The following DNAH8 variants were observed in gnomAD, a reference collection of about 807,000 sequenced individuals.
DNAH8 encodes dynein axonemal heavy chain 8.
A neutral mutation model predicts 562.1 loss-of-function variants in DNAH8; 382 were observed. The ratio of observed to expected loss-of-function variants is 0.68; its 90% CI spans 0.63 to 0.74. The LOEUF is 0.74. Ranked by LOEUF, DNAH8 falls within the 30% of genes least tolerant of loss-of-function variation. The pLI is 0.00. For synonymous variants in DNAH8, 1,881 were observed against 1,919.4 expected, an observed-to-expected ratio of 0.98 and a Z score of 0.52; for missense variants, 5,203 against 5,620.4, an observed-to-expected ratio of 0.93 and a Z score of 2.37.
At chr6:38,802,441 T>C (rs1184198178) in intron 21 of DNAH8, among the ~76,000 whole-genome samples, 2 of 152,242 alleles carry the variant, frequency 1.3e-5, no homozygotes, top group Non-Finnish European at 2.9e-5. Context: ...GTGTATTTTG[T>C]GGGCATGTCA....
intron 65 of DNAH8, among the ~76,000 whole-genome samples, chr6:38,910,626 T>C (rs1198023823): frequency 6.6e-6 from 1 of 152,158 alleles, no homozygotes; most frequent in African/African-American, 2.4e-5. Context: ...ATTTTTACCT[T>C]TGTGCAGCTA....
intron 87 of DNAH8, among the ~76,000 whole-genome samples, chr6:38,985,417 A>G (rs1436018020): frequency 6.6e-6 from 1 of 152,216 alleles, no homozygotes; most frequent in Non-Finnish European, 1.5e-5. Context: ...AGCCTCAACA[A>G]CAAAGCACAA....
chr6:38,857,778 T>A, intron 42 of DNAH8, 36 bp downstream of exon 42: 2 of 1,323,042 alleles, frequency 1.5e-6, no homozygotes, highest in Non-Finnish European at 2.1e-6. Context: ...GTGTACTAAC[T>A]AATAATGAAC....
chr6:38,731,837 C>T (rs11757774), intron 4 of DNAH8, among the ~76,000 whole-genome samples: 35,420 of 152,026 alleles, frequency 0.23, 4,601 homozygotes, highest in Non-Finnish European at 0.3. Flanking sequence ...GCTTCAGCCT[C>T]CTGAGTAGCT....
rs1235696484 is a variant in DNAH8 at position 38,803,181 on chromosome 6, A to G, written c.2904A>G (p.Thr968=). The part of the protein sequence containing the change: ...KVEDMLTLNE[T]YTKEWADILN... ...ATAGTCATTTCTTTATTTAACAGAC[A>G]TACACAAAAGAATGGGCTGACATTC... Residue 968 remains threonine, a splice_region_variant and synonymous_variant, in exon 22 of 93, where the codon ACA becomes ACG. Transcript: ENST00000327475. 1.3e-6 allele frequency: 2 copies of G among 1,593,152 alleles called. No homozygotes were observed. The highest frequency in any genetic ancestry group is 3.5e-5 in the Admixed American group (2 of 56,880).
Position 38,886,903 on chromosome 6 carries a change from AC to A in DNAH8, c.8375del (p.Pro2792LeufsTer12), listed in dbSNP as rs776079621. On this transcript the variant is annotated frameshift_variant, in exon 57 of 93. Coordinates refer to ENST00000327475, the MANE Select transcript of DNAH8 (RefSeq NM_001206927.2). LOFTEE classifies it high-confidence loss of function. ...GTGCAGCTCATAGCAGCAATGATCC[AC>A]CCTGGAGGTGGTCGAAATGATATTC... Reference protein sequence around the residue: ...VDVQLIAAMIHPGGGRNDIPQ... With the variant: ...VDVQLIAAMIXPGGGRNDIPQ... 49 of 1,613,950 alleles carry A rather than the reference AC, an allele frequency of 3.0e-5. No homozygotes were observed. The highest frequency in any genetic ancestry group is 3.8e-5 in the Non-Finnish European group (45 of 1,179,936).
chr6:38,785,357 T>C (rs1769049439), intron 17 of DNAH8, among the ~76,000 whole-genome samples: 1 of 152,180 alleles, frequency 6.6e-6, no homozygotes, highest in South Asian at 2.1e-4. Flanking sequence ...GAAATGCTTG[T>C]CTTGTCCTGG....
chr6:38,782,993 T>G lies in DNAH8; in HGVS notation c.2260-11T>G. The G allele has an allele frequency of 6.2e-7, 1 of 1,608,876 alleles. No individual in the cohort carries two copies. On this transcript the variant is annotated splice_polypyrimidine_tract_variant and intron_variant, in intron 16 of 92. Coordinates refer to ENST00000327475, the MANE Select transcript of DNAH8 (RefSeq NM_001206927.2). Reference sequence around the variant, plus strand: ...GTCTTTTAAAGTAAATCTTTTCCCTTAAAAAAACAGAAAAACTCAGACATT... The same window carrying G: ...GTCTTTTAAAGTAAATCTTTTCCCTGAAAAAAACAGAAAAACTCAGACATT...
At chr6:38,792,642 T>C (rs908615624) in intron 21 of DNAH8, among the ~76,000 whole-genome samples, 3 of 152,188 alleles carry the variant, frequency 2.0e-5, no homozygotes, top group African/African-American at 4.8e-5. Context: ...CATTGTTATG[T>C]TGAAACTATT....
chr6:38,938,302 T>G, intron 78 of DNAH8, 76 bp downstream of exon 78: 1 of 1,504,576 alleles, frequency 6.6e-7, no homozygotes, highest in Non-Finnish European at 8.9e-7. Flanking sequence ...AGAAATTGCT[T>G]TTTCACTATT....
intron 13 of DNAH8, among the ~76,000 whole-genome samples, chr6:38,776,668 C>T (rs182017914): frequency 2.7e-4 from 41 of 152,238 alleles, no homozygotes; most frequent in African/African-American, 9.4e-4. Flanking sequence ...ATGCTTTATG[C>T]CTGCATTCTC....
At chr6:38,983,306 A>G (rs1340708738) in intron 86 of DNAH8, among the ~76,000 whole-genome samples, 1 of 152,222 alleles carries the variant, frequency 6.6e-6, no homozygotes, top group African/African-American at 2.4e-5. Flanking sequence ...TCCACAGAGT[A>G]GGGCTTCAAG....
intron 85 of DNAH8, among the ~76,000 whole-genome samples, chr6:38,978,099 C>T (rs565029016): frequency 2.2e-4 from 34 of 152,312 alleles, no homozygotes; most frequent in African/African-American, 7.2e-4. Context: ...CATTGAACTG[C>T]GTATTTCTTT....
chr6:38,940,870 C>A (rs1336267058), intron 79 of DNAH8, among the ~76,000 whole-genome samples: 1 of 152,102 alleles, frequency 6.6e-6, no homozygotes, highest in Admixed American at 6.5e-5. Flanking sequence ...GTAATCCCAG[C>A]ACTTTGGGAG....
Position 38,882,959 on chromosome 6 carries a change from T to A in DNAH8, c.7908T>A (p.Thr2636=). The A allele has an allele frequency of 6.2e-7, 1 of 1,606,062 alleles. No homozygotes were observed. The highest frequency in any genetic ancestry group is 1.1e-5 in the South Asian group (1 of 88,662). The change falls in exon 54 of 93, where the codon ACT becomes ACA. Residue 2636 remains threonine (T), a synonymous_variant. Coordinates refer to ENST00000327475, the MANE Select transcript of DNAH8 (RefSeq NM_001206927.2). ...NKKLQPYYYP[T]DSIPEYSSIL... ...AACTTCAGCCTTATTATTATCCAAC[T>A]GACAGTATTCCGGAATATTCATCAA...
At chr6:38,834,880 C>G (rs1242615866) in intron 32 of DNAH8, among the ~76,000 whole-genome samples, 1 of 152,142 alleles carries the variant, frequency 6.6e-6, no homozygotes, top group Non-Finnish European at 1.5e-5. Flanking sequence ...AAGAATATAA[C>G]TTATTTTAGT....
At chr6:39,021,114 C>A (rs543516703) in intron 91 of DNAH8, among the ~76,000 whole-genome samples, 1 of 152,084 alleles carries the variant, frequency 6.6e-6, no homozygotes. Context: ...ACAATGGCTG[C>A]GGAGAAATAG....
intron 71 of DNAH8, 52 bp from the exon 72 acceptor site, chr6:38,923,006 G>A: frequency 6.4e-7 from 1 of 1,572,378 alleles, no homozygotes; most frequent in Non-Finnish European, 8.6e-7. Flanking sequence ...ATGGATGTTT[G>A]TGTTAAGCAC....
intron 65 of DNAH8, among the ~76,000 whole-genome samples, chr6:38,911,209 A>G (rs1780869330): frequency 6.6e-6 from 1 of 152,256 alleles, no homozygotes; most frequent in Non-Finnish European, 1.5e-5. Context: ...TGGGAGGGGT[A>G]GAGCAGATAT....
Sources: gnomAD v4.1 joint callset for allele counts (sites outside exome capture counted in the v4.1 genomes callset) on GRCh38, gnomAD v4.1.1 for gene constraint, MANE v1.5 for transcripts, NCBI Gene and HGNC (gene_info 2026-07-23, HGNC 2026-07-21) for gene names.